DCUN1D4: variants seen among roughly 807,000 people sequenced by gnomAD.
The protein encoded by DCUN1D4 is DCN1-like protein 4.
Under a neutral mutation model 47.9 loss-of-function variants are expected in DCUN1D4, and 22 were observed. The ratio of observed to expected loss-of-function variants is 0.46; its 90% CI spans 0.33 to 0.66. DCUN1D4 has a LOEUF of 0.66. Among genes scored for constraint, DCUN1D4 ranks in the 30% least tolerant of loss-of-function variants. DCUN1D4 has a pLI of 0.02. For missense variants in DCUN1D4, 301 were observed against 340.8 expected, an observed-to-expected ratio of 0.88 and a Z score of 0.92; for synonymous variants, 121 against 112.2, an observed-to-expected ratio of 1.08 and a Z score of -0.50.
rs947376098 is a variant in DCUN1D4 at position 51,843,182 on chromosome 4, G to C, written c.-61G>C. The C allele has an allele frequency of 9.1e-6, 14 of 1,534,462 alleles. 1 individual carries two copies. The highest frequency in any genetic ancestry group is 7.6e-5 in the East Asian group (3 of 39,640). On this transcript the variant is annotated 5_prime_UTR_variant, in exon 1 of 11. Transcript: ENST00000334635. ...TCGAGCCGAGGTGCAGTGAGCTGGT[G>C]GGGGGACCGCGAGGCGAGCGCGGGA...
intron 7 of DCUN1D4, among the ~76,000 whole-genome samples, chr4:51,896,362 G>T (rs777741425): frequency 1.3e-5 from 2 of 152,044 alleles, no homozygotes; most frequent in Non-Finnish European, 2.9e-5. Flanking sequence ...TAACTATGGG[G>T]TAGTTATCTA....
intron 7 of DCUN1D4, among the ~76,000 whole-genome samples, chr4:51,895,417 C>T (rs1030675468): frequency 4.6e-5 from 7 of 151,604 alleles, no homozygotes; most frequent in African/African-American, 1.5e-4. Context: ...TGGGGCAGGA[C>T]GTGGGTGGTA....
chr4:51,908,110 G>T (rs1464125752), intron 8 of DCUN1D4, among the ~76,000 whole-genome samples: 1 of 152,042 alleles, frequency 6.6e-6, no homozygotes, highest in Non-Finnish European at 1.5e-5. Context: ...AGGATCCTTT[G>T]GTTTTGCAGC....
At chr4:51,893,257 T>G (rs893792297) in intron 7 of DCUN1D4, among the ~76,000 whole-genome samples, 3 of 152,202 alleles carry the variant, frequency 2.0e-5, no homozygotes, top group African/African-American at 7.2e-5. Context: ...TTTACAAATA[T>G]ACTTTCCTAT....
At chr4:51,861,138 AT>A (rs1208742568) in intron 1 of DCUN1D4, among the ~76,000 whole-genome samples, 2 of 152,186 alleles carry the variant, frequency 1.3e-5, no homozygotes, top group African/African-American at 4.8e-5. Context: ...ATGAAGGAGA[AT>A]TTTTTATCCT....
chr4:51,905,679 T>G (rs1732776369), intron 8 of DCUN1D4, among the ~76,000 whole-genome samples: 1 of 152,174 alleles, frequency 6.6e-6, no homozygotes, highest in Admixed American at 6.5e-5. Context: ...ATTGGATGTT[T>G]TACCTTCTCT....
chr4:51,844,455 G>A (rs912976217), intron 1 of DCUN1D4: 4 of 971,024 alleles, frequency 4.1e-6, no homozygotes, highest in African/African-American at 3.5e-5. Flanking sequence ...AGGGGTGCGG[G>A]CTGCGGGGTT....
At chr4:51,901,780 A>C (rs1162798284) in intron 8 of DCUN1D4, among the ~76,000 whole-genome samples, 1 of 152,116 alleles carries the variant, frequency 6.6e-6, no homozygotes, top group Non-Finnish European at 1.5e-5. Flanking sequence ...TTCTTTGTAC[A>C]TCCTTTGTTT....
chr4:51,851,679 G>A (rs1723390353), intron 1 of DCUN1D4, among the ~76,000 whole-genome samples: 1 of 152,046 alleles, frequency 6.6e-6, no homozygotes, highest in African/African-American at 2.4e-5. Context: ...GGAGGGAGGA[G>A]GAGCAAAGGG....
At chr4:51,906,807 ATC>A (rs1732967211) in intron 8 of DCUN1D4, among the ~76,000 whole-genome samples, 1 of 152,146 alleles carries the variant, frequency 6.6e-6, no homozygotes, top group Non-Finnish European at 1.5e-5. Flanking sequence ...TCATATCGAA[ATC>A]TCTCTTCCTT....
At chr4:51,843,709 C>T in intron 1 of DCUN1D4, 1 of 1,208,104 alleles carries the variant, frequency 8.3e-7, no homozygotes, top group Non-Finnish European at 1.0e-6. Context: ...TTCCAAAGGG[C>T]TGAGTGGTGC....
At chr4:51,878,358 T>C (rs1228891709) in intron 5 of DCUN1D4, among the ~76,000 whole-genome samples, 2 of 152,228 alleles carry the variant, frequency 1.3e-5, no homozygotes, top group Admixed American at 1.3e-4. Flanking sequence ...ACCTGGGGCT[T>C]ATTTGTTATT....
At chr4:51,897,268 G>C (rs369451987) in intron 7 of DCUN1D4, among the ~76,000 whole-genome samples, 1 of 152,098 alleles carries the variant, frequency 6.6e-6, no homozygotes, top group Non-Finnish European at 1.5e-5. Flanking sequence ...ATAATTGCAG[G>C]CTTTTAGATA....
upstream of DCUN1D4, among the ~76,000 whole-genome samples, chr4:51,841,439 T>C (rs570593200): frequency 1.5e-4 from 23 of 152,188 alleles, no homozygotes; most frequent in African/African-American, 4.8e-4. Flanking sequence ...TATCTCAGAG[T>C]CCAGAGGTAC....
intron 1 of DCUN1D4, among the ~76,000 whole-genome samples, chr4:51,851,536 G>A: frequency 6.6e-6 from 1 of 151,916 alleles, no homozygotes; most frequent in East Asian, 1.9e-4. Context: ...GGAAGGTGAG[G>A]TGCAGGGCTA....
In DCUN1D4 at chr4:51,843,707, G is replaced by T. The variant is rs1721975851; in HGVS notation, c.25+440G>T. ...GGCACAAGGGTGAGGATTTCCAAAG[G>T]GCTGAGTGGTGCGGGCGGCTCCGTG... is the stretch of plus-strand genomic sequence containing the variant. On this transcript the variant is annotated intron_variant, in intron 1 of 10. Transcript: ENST00000334635. 3.2e-6 allele frequency: 4 copies of T among 1,232,792 alleles called. No homozygotes were observed. The African/African-American group carries it at 6.5e-5, about 20-fold the overall frequency. The allele number at this position is 1,232,792 out of a possible 1,614,324, so 76.4% of individuals were successfully genotyped here.
intron 3 of DCUN1D4, among the ~76,000 whole-genome samples, chr4:51,869,553 T>C (rs954262662): frequency 6.6e-6 from 1 of 152,178 alleles, no homozygotes; most frequent in Admixed American, 6.5e-5. Flanking sequence ...TATTCTCTAA[T>C]TTTGTAAACC....
intron 5 of DCUN1D4, among the ~76,000 whole-genome samples, chr4:51,882,261 G>A (rs960357942): frequency 6.6e-6 from 1 of 152,198 alleles, no homozygotes; most frequent in Non-Finnish European, 1.5e-5. Context: ...GTTGAGGTCT[G>A]GGGTGCAGTC....
At chr4:51,871,704 A>C (rs1458560236) in intron 3 of DCUN1D4, among the ~76,000 whole-genome samples, 2 of 152,260 alleles carry the variant, frequency 1.3e-5, no homozygotes, top group Non-Finnish European at 2.9e-5. Flanking sequence ...GCAGTATAAC[A>C]GGCTTTACAG....
Sources: gnomAD v4.1 joint callset for allele counts (sites outside exome capture counted in the v4.1 genomes callset) on GRCh38, gnomAD v4.1.1 for gene constraint, MANE v1.5 for transcripts, NCBI Gene and HGNC (gene_info 2026-07-23, HGNC 2026-07-21) for gene names.